SEPTIN7: variants seen among roughly 807,000 people sequenced by gnomAD.
SEPTIN7 encodes septin 7.
In SEPTIN7, 10 loss-of-function variants were observed where a neutral mutation model predicts 63.3. That is an observed-to-expected ratio of 0.16 (90% CI 0.10 to 0.27). SEPTIN7 has a LOEUF of 0.27. Among genes scored for constraint, SEPTIN7 ranks in the 10% least tolerant of loss-of-function variants. The probability of loss-of-function intolerance (pLI) is 1.00; values close to 1 mark genes in which losing one functional copy is unlikely to be tolerated. For missense variants in SEPTIN7, 310 were observed against 521.0 expected (o/e 0.59, Z 3.94); for synonymous variants, 131 against 165.3 (o/e 0.79, Z 1.59).
chr7:35,862,617 C>A (rs1785569788), intron 3 of SEPTIN7, among the ~76,000 whole-genome samples: 1 of 151,874 alleles, frequency 6.6e-6, no homozygotes, highest in Admixed American at 6.6e-5. Flanking sequence ...AGGGGTAAGC[C>A]CAGACCACGT....
chr7:35,845,211 G>T (rs913629232), intron 3 of SEPTIN7, among the ~76,000 whole-genome samples: 1 of 151,960 alleles, frequency 6.6e-6, no homozygotes, highest in African/African-American at 2.4e-5. Context: ...AGATAATTGT[G>T]TATATGAGTG....
chr7:35,830,201 C>A (rs1156231451), intron 1 of SEPTIN7, among the ~76,000 whole-genome samples: 1 of 151,432 alleles, frequency 6.6e-6, no homozygotes, highest in African/African-American at 2.4e-5. Context: ...AAAAACTATT[C>A]CAAATAAAAA....
At chr7:35,878,115 G>A (rs1241278680) in intron 6 of SEPTIN7, among the ~76,000 whole-genome samples, 1 of 152,118 alleles carries the variant, frequency 6.6e-6, no homozygotes, top group Non-Finnish European at 1.5e-5. Context: ...CATAGTTAGT[G>A]AGGACCCATC....
chr7:35,893,698 A>G (rs1787787605), intron 11 of SEPTIN7, among the ~76,000 whole-genome samples: 1 of 152,228 alleles, frequency 6.6e-6, no homozygotes, highest in African/African-American at 2.4e-5. Context: ...CTATTGAAAC[A>G]TGAAGTAAAC....
intron 4 of SEPTIN7, among the ~76,000 whole-genome samples, chr7:35,871,984 T>C (rs1226038686): frequency 6.6e-6 from 1 of 152,196 alleles, no homozygotes; most frequent in Admixed American, 6.5e-5. Context: ...ATCATTTAAG[T>C]CCAATAATCA....
Position 35,815,661 on chromosome 7 carries a change from T to G in SEPTIN7, c.61+14391T>G, listed in dbSNP as rs1328091226. ...CCTTATGCAGTACCAATACTGTTAG[T>G]TAATATAGTATGCTAATACCTTATG... On this transcript the variant is annotated intron_variant, in intron 1 of 13. Transcript: ENST00000350320. Among the ~76,000 whole-genome samples, 3 of 152,376 alleles carry G rather than the reference T, an allele frequency of 2.0e-5. No homozygotes were observed. In the East Asian group the frequency reaches 5.8e-4, roughly 29 times the overall value.
chr7:35,846,359 T>C (rs17767518), intron 3 of SEPTIN7, among the ~76,000 whole-genome samples: 3,912 of 152,224 alleles, frequency 0.026, 128 homozygotes, highest in East Asian at 0.08. Flanking sequence ...TATTGCAGTG[T>C]TTTTCTCTGT....
chr7:35,866,725 T>C (rs1473002587), intron 4 of SEPTIN7, among the ~76,000 whole-genome samples: 1 of 152,212 alleles, frequency 6.6e-6, no homozygotes, highest in African/African-American at 2.4e-5. Flanking sequence ...TTTTCAGTAT[T>C]GATAGAAGCT....
chr7:35,913,429 C>CTCTT, the SEPTIN7 span, among the ~76,000 whole-genome samples: 3 of 151,766 alleles, frequency 2.0e-5, no homozygotes, highest in Admixed American at 1.3e-4. Context: ...CTTTTTCTCT[C>CTCTT]TCTTTCTTTC....
intron 7 of SEPTIN7, among the ~76,000 whole-genome samples, chr7:35,882,147 A>C (rs536123664): frequency 2.2e-4 from 34 of 152,022 alleles, no homozygotes; most frequent in Non-Finnish European, 4.3e-4. Context: ...CAGTCATTGT[A>C]AATAAATGAC....
chr7:35,901,000 A>C (rs1167403320), intron 12 of SEPTIN7: 4 of 152,200 alleles, frequency 2.6e-5, no homozygotes, highest in Non-Finnish European at 5.9e-5. Context: ...TGTATATGAT[A>C]CATGATATAT....
chr7:35,913,656 A>G, the SEPTIN7 span, among the ~76,000 whole-genome samples: 1 of 150,864 alleles, frequency 6.6e-6, no homozygotes, highest in South Asian at 2.1e-4. Context: ...AGTGCACTGA[A>G]CATTGCTCAC....
At chr7:35,898,469 C>CT in intron 12 of SEPTIN7, 86 bp downstream of exon 12, 1 of 850,126 alleles carries the variant, frequency 1.2e-6, no homozygotes, top group Non-Finnish European at 1.8e-6. Flanking sequence ...ATAATATAAC[C>CT]TTTTTATACA....
chr7:35,801,684 C>A (rs1453167755), intron 1 of SEPTIN7, among the ~76,000 whole-genome samples: 1 of 152,166 alleles, frequency 6.6e-6, no homozygotes, highest in East Asian at 1.9e-4. Context: ...CGGCCGCATC[C>A]CCGTCGGCAG....
At chr7:35,821,081 C>T (rs1173552845) in intron 1 of SEPTIN7, among the ~76,000 whole-genome samples, 1 of 151,968 alleles carries the variant, frequency 6.6e-6, no homozygotes, top group Non-Finnish European at 1.5e-5. Flanking sequence ...TTTCCAGTTG[C>T]CACTAGGCTG....
At chr7:35,872,876 C>T in intron 5 of SEPTIN7, 110 bp downstream of exon 5, 1 of 714,642 alleles carries the variant, frequency 1.4e-6, no homozygotes, top group Non-Finnish European at 2.4e-6. Context: ...GGTCACCAAA[C>T]TTCAAGCAAC....
Position 35,885,890 on chromosome 7 carries a change from G to C in SEPTIN7, c.872+11G>C, listed in dbSNP as rs72496127. 1 of 1,569,312 alleles carries C rather than the reference G, an allele frequency of 6.4e-7. No individual in the cohort carries two copies. Among genetic ancestry groups the C allele is most frequent in the South Asian group, 1.1e-5 (1 of 88,750 alleles). On this transcript the variant is annotated intron_variant, in intron 10 of 13. Transcript: ENST00000350320. The stretch of plus-strand genomic sequence containing the variant: ...AAATATGTTGATAAGGTAAGTGCAA[G>C]CAATGATGGAAATAGCATAAGATTT...
chr7:35,886,401 C>T (rs1400869811), intron 10 of SEPTIN7, among the ~76,000 whole-genome samples: 3 of 142,868 alleles, frequency 2.1e-5, no homozygotes, highest in African/African-American at 7.8e-5. Flanking sequence ...GGGAGCAGGA[C>T]ATCGAGGCCA....
intron 1 of SEPTIN7, among the ~76,000 whole-genome samples, chr7:35,819,168 A>G (rs1319194736): frequency 6.6e-6 from 1 of 152,082 alleles, no homozygotes; most frequent in Non-Finnish European, 1.5e-5. Context: ...ATTCATCTCA[A>G]AGTATTTTCC....
Sources: gnomAD v4.1 joint callset for allele counts (sites outside exome capture counted in the v4.1 genomes callset) on GRCh38, gnomAD v4.1.1 for gene constraint, MANE v1.5 for transcripts, NCBI Gene and HGNC (gene_info 2026-07-23, HGNC 2026-07-21) for gene names.